TENM3: variants seen among roughly 807,000 people sequenced by gnomAD.
TENM3 encodes teneurin transmembrane protein 3, also known as teneurin-3.
Under a neutral mutation model 255.1 loss-of-function variants are expected in TENM3, and 63 were observed. The ratio of observed to expected loss-of-function variants is 0.25; its 90% confidence interval spans 0.20 to 0.30. TENM3 has a LOEUF of 0.30. Among genes scored for constraint, TENM3 ranks in the 10% least tolerant of loss-of-function variants. The probability of loss-of-function intolerance (pLI) is 1.00; values close to 1 mark genes in which losing one functional copy is unlikely to be tolerated. For missense variants in TENM3, 2,929 were observed against 3,461.1 expected (o/e 0.85, Z 3.86); for synonymous variants, 1,306 against 1,322.3 (o/e 0.99, Z 0.27).
chr4:181,611,439 G>A, the TENM3 span, among the ~76,000 whole-genome samples: 1 of 152,010 alleles, frequency 6.6e-6, no homozygotes, highest in African/African-American at 2.4e-5. Flanking sequence ...CTCCTCTTCT[G>A]CGTTTTTTCT....
At chr4:181,487,378 G>A in the TENM3 span, among the ~76,000 whole-genome samples, 1 of 152,178 alleles carries the variant, frequency 6.6e-6, no homozygotes, top group African/African-American at 2.4e-5. Context: ...GACTGCATGG[G>A]TTATAAACAA....
the TENM3 span, among the ~76,000 whole-genome samples, chr4:181,504,955 G>A: frequency 6.6e-6 from 1 of 152,312 alleles, no homozygotes; most frequent in South Asian, 2.1e-4. Context: ...TTGCCTGACA[G>A]AGCCTGCGAC....
At chr4:182,768,466 G>A (rs1262402217) in intron 22 of TENM3, among the ~76,000 whole-genome samples, 1 of 152,130 alleles carries the variant, frequency 6.6e-6, no homozygotes, top group South Asian at 2.1e-4. Flanking sequence ...TTATAATCAT[G>A]GTGTTTCAGA....
the TENM3 span, among the ~76,000 whole-genome samples, chr4:182,100,492 T>C: frequency 3.1e-4 from 42 of 137,166 alleles, no homozygotes; most frequent in South Asian, 8.0e-3. Flanking sequence ...CATATATATA[T>C]ATACACACAC....
At chr4:182,331,349 C>T (rs1469147352) in intron 2 of TENM3, among the ~76,000 whole-genome samples, 4 of 152,058 alleles carry the variant, frequency 2.6e-5, no homozygotes, top group African/African-American at 9.7e-5. Context: ...AGTGCAAGAC[C>T]AGCCTGGCCA....
Position 182,335,181 on chromosome 4 carries a change from T to C in TENM3, c.232+10929T>C, listed in dbSNP as rs1319188296. Among the ~76,000 whole-genome samples the C allele has an allele frequency of 2.7e-5, 4 of 150,294 alleles. No homozygotes were observed. The East Asian group carries it at 7.8e-4, about 29-fold the overall frequency. ...TACCCCTCTCTTTTCAGAGCTGTTA[T>C]ACTTGACCATACTTAGCTGCACAAG... On this transcript the variant is annotated intron_variant, in intron 2 of 27. Transcript: ENST00000511685.
the TENM3 span, among the ~76,000 whole-genome samples, chr4:181,605,574 G>GAGAGAGAGAGAGAGAA: frequency 2.7e-4 from 6 of 21,976 alleles, no homozygotes; most frequent in African/African-American, 6.6e-4. Flanking sequence ...AAGAAAGAGA[G>GAGAGAGAGAGAGAGAA]AGAAAGAAAG....
At chr4:182,260,671 A>G (rs926849812) in intron 1 of TENM3, among the ~76,000 whole-genome samples, 5 of 152,284 alleles carry the variant, frequency 3.3e-5, no homozygotes, top group Admixed American at 6.5e-5. Flanking sequence ...TCTTATTCAT[A>G]TGGTACTTTC....
chr4:181,867,302 G>C, the TENM3 span, among the ~76,000 whole-genome samples: 1 of 152,032 alleles, frequency 6.6e-6, no homozygotes, highest in East Asian at 1.9e-4. Context: ...TCTGCAGCTT[G>C]GTCATTTTGT....
intron 22 of TENM3, among the ~76,000 whole-genome samples, chr4:182,758,460 G>A (rs1290316522): frequency 1.3e-5 from 2 of 152,050 alleles, no homozygotes; most frequent in South Asian, 4.1e-4. Context: ...AACCCCTGTC[G>A]CTACTCATCA....
At chr4:182,352,567 G>T (rs1390299508) in intron 3 of TENM3, among the ~76,000 whole-genome samples, 1 of 152,068 alleles carries the variant, frequency 6.6e-6, no homozygotes, top group East Asian at 1.9e-4. Flanking sequence ...CATTAATTGT[G>T]CATGATACTG....
At chr4:181,464,829 T>C in the TENM3 span, among the ~76,000 whole-genome samples, 1 of 152,142 alleles carries the variant, frequency 6.6e-6, no homozygotes, top group African/African-American at 2.4e-5. Context: ...CTCATGCCTG[T>C]AATCTCAGCT....
chr4:181,533,336 T>C, the TENM3 span, among the ~76,000 whole-genome samples: 2 of 152,156 alleles, frequency 1.3e-5, no homozygotes, highest in African/African-American at 4.8e-5. Context: ...ATCATCACTT[T>C]TAATACAAAA....
intron 3 of TENM3, among the ~76,000 whole-genome samples, chr4:182,541,788 G>C (rs1471522038): frequency 6.6e-6 from 1 of 152,142 alleles, no homozygotes; most frequent in Non-Finnish European, 1.5e-5. Flanking sequence ...GCCAGGCACA[G>C]TGGCTCATGG....
At chr4:182,083,967 A>G in the TENM3 span, among the ~76,000 whole-genome samples, 2 of 152,220 alleles carry the variant, frequency 1.3e-5, no homozygotes, top group Non-Finnish European at 2.9e-5. Flanking sequence ...TTGAAAAAAA[A>G]AAGTGACCTT....
At chr4:182,133,910 A>C in the TENM3 span, among the ~76,000 whole-genome samples, 1 of 152,218 alleles carries the variant, frequency 6.6e-6, no homozygotes, top group Admixed American at 6.5e-5. Context: ...TTGAGTAAGA[A>C]TGTTCTGGAA....
the TENM3 span, among the ~76,000 whole-genome samples, chr4:181,929,178 A>G: frequency 6.6e-6 from 1 of 152,206 alleles, no homozygotes; most frequent in Non-Finnish European, 1.5e-5. Context: ...ACACATAACA[A>G]TAGTAACCTT....
At chr4:181,467,147 T>TTTTTTTTTTG in the TENM3 span, among the ~76,000 whole-genome samples, 1 of 113,004 alleles carries the variant, frequency 8.8e-6, no homozygotes, top group African/African-American at 3.8e-5. Flanking sequence ...TTTTTTTTTT[T>TTTTTTTTTTG]TAGGCAGAGT....
chr4:182,457,088 G>A (rs1285268384), intron 3 of TENM3, among the ~76,000 whole-genome samples: 3 of 151,846 alleles, frequency 2.0e-5, no homozygotes, highest in Non-Finnish European at 4.4e-5. Context: ...GGAAGGCTGA[G>A]GCAGGAGAAT....
Sources: allele counts gnomAD v4.1 joint callset (sites outside exome capture counted in the v4.1 genomes callset), GRCh38; gene constraint gnomAD v4.1.1; transcripts MANE v1.5; gene names NCBI Gene and HGNC (gene_info 2026-07-23, HGNC 2026-07-21).